PLCE1: variants seen among roughly 807,000 people sequenced by gnomAD.
PLCE1 encodes the protein phospholipase C epsilon 1.
A neutral mutation model predicts 242.8 loss-of-function variants in PLCE1; 119 were observed. That is an observed-to-expected ratio of 0.49 (90% CI 0.42 to 0.57). The LOEUF (loss-of-function observed/expected upper bound fraction) is 0.57. PLCE1 is among the 20% of genes least tolerant of loss of function. The pLI, the probability that PLCE1 is intolerant of heterozygous loss-of-function variation, is 0.00. For missense variants in PLCE1, 2,441 were observed against 2,788.8 expected, an observed-to-expected ratio of 0.88 and a Z score of 2.81; for synonymous variants, 945 against 1,017.4, an observed-to-expected ratio of 0.93 and a Z score of 1.35.
intron 4 of PLCE1, among the ~76,000 whole-genome samples, chr10:94,174,053 A>G (rs2048058582): frequency 6.6e-6 from 1 of 152,194 alleles, no homozygotes; most frequent in South Asian, 2.1e-4. Flanking sequence ...ACATACTGTA[A>G]AGAAAAGGAA....
intron 2 of PLCE1, among the ~76,000 whole-genome samples, chr10:94,091,321 A>T (rs2045059795): frequency 6.6e-6 from 1 of 152,220 alleles, no homozygotes; most frequent in Non-Finnish European, 1.5e-5. Flanking sequence ...AACAATGAAA[A>T]GCCTCCTCCA....
intron 3 of PLCE1, among the ~76,000 whole-genome samples, chr10:94,149,754 G>A (rs1044248272): frequency 1.3e-5 from 2 of 151,954 alleles, no homozygotes; most frequent in Non-Finnish European, 2.9e-5. Flanking sequence ...TCTCTTTGGC[G>A]CCCAGAGTCC....
chr10:94,173,309 C>T (rs943825981), intron 4 of PLCE1, among the ~76,000 whole-genome samples: 3 of 152,140 alleles, frequency 2.0e-5, no homozygotes, highest in African/African-American at 7.2e-5. Flanking sequence ...CTGAGTAAGA[C>T]AGAATCTCTG....
At chr10:94,111,178 T>C (rs1285307833) in intron 2 of PLCE1, among the ~76,000 whole-genome samples, 1 of 152,190 alleles carries the variant, frequency 6.6e-6, no homozygotes, top group African/African-American at 2.4e-5. Context: ...CACTCACTCA[T>C]GAGACATTTA....
intron 17 of PLCE1, 53 bp from the exon 18 acceptor site, chr10:94,270,433 C>T (rs2051684405): frequency 8.5e-7 from 1 of 1,177,634 alleles, no homozygotes; most frequent in South Asian, 1.2e-5. Context: ...ACCCTGCCTT[C>T]TGACCACCTT....
At chr10:94,152,829 T>A (rs537978773) in intron 3 of PLCE1, among the ~76,000 whole-genome samples, 107 of 152,332 alleles carry the variant, frequency 7.0e-4, no homozygotes, top group South Asian at 2.1e-3. Flanking sequence ...GTTTTTCTCA[T>A]TAACTTAAGT....
intron 2 of PLCE1, among the ~76,000 whole-genome samples, chr10:94,062,582 G>GTTTTT (rs5787099): frequency 7.0e-6 from 1 of 142,346 alleles, no homozygotes; most frequent in Non-Finnish European, 1.5e-5. Flanking sequence ...TCTTGGTTTT[G>GTTTTT]TTTTTTTTTT....
rs540696208 is a variant in PLCE1, at chr10:94,248,051, G to A, written c.3096+1430G>A. On this transcript the variant is annotated intron_variant, in intron 8 of 32. Coordinates refer to ENST00000371380, the MANE Select transcript of PLCE1 (RefSeq NM_016341.4). ...GAACTACCACTTGAACTACTCAAAT[G>A]CCTGATTTCATGTACTTGTCACAGT... 2.0e-5 allele frequency among the ~76,000 whole-genome samples: 3 copies of A among 152,268 alleles called. No homozygotes were observed. In the South Asian group the frequency reaches 6.2e-4, roughly 32 times the overall value.
At chr10:94,011,876 C>A (rs2061175004) in intron 1 of PLCE1, among the ~76,000 whole-genome samples, 1 of 152,104 alleles carries the variant, frequency 6.6e-6, no homozygotes, top group Non-Finnish European at 1.5e-5. Flanking sequence ...TGGTTTTCCG[C>A]CTTTCATGCT....
At chr10:94,101,799 G>A (rs2045547519) in intron 2 of PLCE1, among the ~76,000 whole-genome samples, 1 of 152,340 alleles carries the variant, frequency 6.6e-6, no homozygotes, top group Admixed American at 6.5e-5. Flanking sequence ...AGGCGCTGAA[G>A]GGGTCTGGCC....
intron 8 of PLCE1, among the ~76,000 whole-genome samples, chr10:94,248,592 AAAC>A (rs1416440385): frequency 3.0e-5 from 2 of 66,318 alleles, no homozygotes; most frequent in Non-Finnish European, 6.5e-5. Context: ...TGTCTCAAAA[AAAC>A]AAACAAACAA....
At chr10:94,302,155 T>C (rs368240973) in intron 24 of PLCE1, among the ~76,000 whole-genome samples, 20 of 152,326 alleles carry the variant, frequency 1.3e-4, no homozygotes, top group African/African-American at 4.3e-4. Flanking sequence ...GGGCTAGATT[T>C]GAGGTCCGAC....
chr10:94,195,723 A>G (rs933975133), intron 4 of PLCE1, among the ~76,000 whole-genome samples: 1 of 152,206 alleles, frequency 6.6e-6, no homozygotes, highest in Non-Finnish European at 1.5e-5. Flanking sequence ...GATGCTAATC[A>G]TTATCTCTAA....
intron 3 of PLCE1, among the ~76,000 whole-genome samples, chr10:94,148,659 A>G (rs938500136): frequency 1.3e-5 from 2 of 152,218 alleles, no homozygotes; most frequent in African/African-American, 2.4e-5. Context: ...CCTTTCCAAG[A>G]AAAAGAGAGA....
intron 4 of PLCE1, among the ~76,000 whole-genome samples, chr10:94,201,528 T>TGC (rs904390093): frequency 1.3e-5 from 2 of 152,218 alleles, no homozygotes; most frequent in African/African-American, 4.8e-5. Context: ...CAGGCTGGAG[T>TGC]GCAGTGGCAT....
chr10:94,112,975 G>C (rs2046001097), intron 2 of PLCE1, among the ~76,000 whole-genome samples: 1 of 152,164 alleles, frequency 6.6e-6, no homozygotes, highest in Non-Finnish European at 1.5e-5. Context: ...GGACTTTGAT[G>C]AAACAGATGA....
chr10:94,093,651 C>G (rs1354284656), intron 2 of PLCE1, among the ~76,000 whole-genome samples: 1 of 152,182 alleles, frequency 6.6e-6, no homozygotes, highest in African/African-American at 2.4e-5. Context: ...GGCCCTGCTC[C>G]CATTTATCTC....
intron 3 of PLCE1, among the ~76,000 whole-genome samples, chr10:94,134,323 T>C (rs368472853): frequency 8.5e-5 from 13 of 152,164 alleles, no homozygotes; most frequent in African/African-American, 2.9e-4. Context: ...GGTCTCGAAC[T>C]CCTGACCTCA....
In PLCE1 at chr10:94,040,906, G is replaced by C. The variant is rs906574342; in HGVS notation, c.1206+8654G>C. Among the ~76,000 whole-genome samples the C allele has an allele frequency of 7.2e-5, 11 of 152,128 alleles. No homozygotes were observed. In the East Asian group the frequency reaches 1.9e-3, roughly 27 times the overall value. ...TTGTATTGCTCATTAATAAGGGTTA[G>C]GGAGCACAGCCATACTCATTCTTTT... On this transcript the variant is annotated intron_variant, in intron 2 of 32. Transcript: ENST00000371380.
Sources: allele counts gnomAD v4.1 joint callset (sites outside exome capture counted in the v4.1 genomes callset), GRCh38; gene constraint gnomAD v4.1.1; transcripts MANE v1.5; gene names NCBI Gene and HGNC (gene_info 2026-07-23, HGNC 2026-07-21).